The following TENM3 variants were observed in gnomAD, a reference collection of about 807,000 sequenced individuals.
TENM3 encodes teneurin-3.
A neutral mutation model predicts 255.1 loss-of-function variants in TENM3; 63 were observed. That is an observed-to-expected ratio of 0.25 (90% CI 0.20 to 0.30). The LOEUF (loss-of-function observed/expected upper bound fraction) is 0.30. TENM3 is among the 10% of genes least tolerant of loss of function. The pLI, the probability that TENM3 is intolerant of heterozygous loss-of-function variation, is 1.00. For synonymous variants in TENM3, 1,306 were observed against 1,322.3 expected, an observed-to-expected ratio of 0.99 and a Z score of 0.27; for missense variants, 2,929 against 3,461.1, an observed-to-expected ratio of 0.85 and a Z score of 3.86.
At chr4:182,487,921 CAG>C (rs1163798562) in intron 3 of TENM3, among the ~76,000 whole-genome samples, 2 of 152,052 alleles carry the variant, frequency 1.3e-5, no homozygotes, top group Non-Finnish European at 2.9e-5. Context: ...CAAATTATAA[CAG>C]GAATTCTAGA....
chr4:182,305,438 G>C (rs1300858695), intron 1 of TENM3, among the ~76,000 whole-genome samples: 1 of 152,146 alleles, frequency 6.6e-6, no homozygotes, highest in African/African-American at 2.4e-5. Flanking sequence ...CGTGAATACT[G>C]TGCTGGAGGA....
At chr4:181,580,278 G>A in the TENM3 span, among the ~76,000 whole-genome samples, 18 of 152,138 alleles carry the variant, frequency 1.2e-4, no homozygotes, top group East Asian at 5.8e-4. Context: ...GATTACAAAC[G>A]TGAGCCACCG....
chr4:181,914,195 C>T, the TENM3 span, among the ~76,000 whole-genome samples: 4 of 152,346 alleles, frequency 2.6e-5, no homozygotes, highest in African/African-American at 7.2e-5. Context: ...AGGTGACGCT[C>T]AACTGACACC....
the TENM3 span, among the ~76,000 whole-genome samples, chr4:181,871,390 C>T: frequency 6.6e-6 from 1 of 151,806 alleles, no homozygotes; most frequent in African/African-American, 2.4e-5. Flanking sequence ...TATGGTAACT[C>T]TCTCCTTTTA....
At chr4:182,211,782 T>A (rs180998577) in intron 1 of TENM3, among the ~76,000 whole-genome samples, 1 of 152,200 alleles carries the variant, frequency 6.6e-6, no homozygotes, top group Admixed American at 6.5e-5. Context: ...TTAAATACAT[T>A]TGATTGTTTT....
chr4:182,034,517 C>T, the TENM3 span, among the ~76,000 whole-genome samples: 1 of 152,072 alleles, frequency 6.6e-6, no homozygotes, highest in Admixed American at 6.5e-5. Flanking sequence ...TTTGTAGTGG[C>T]TGGTAAGTTT....
chr4:182,100,315 T>C, the TENM3 span, among the ~76,000 whole-genome samples: 4,910 of 151,460 alleles, frequency 0.032, 263 homozygotes, highest in African/African-American at 0.11. Context: ...GAATCAGAAA[T>C]AGTTGGCCAA....
chr4:182,112,494 T>C, the TENM3 span, among the ~76,000 whole-genome samples: 23 of 152,330 alleles, frequency 1.5e-4, no homozygotes, highest in African/African-American at 4.6e-4. Flanking sequence ...TAAGATTTCA[T>C]TGGGTCTTCA....
At chr4:182,159,537 C>T (rs1579541426) in intron 1 of TENM3, among the ~76,000 whole-genome samples, 2 of 152,010 alleles carry the variant, frequency 1.3e-5, no homozygotes, top group East Asian at 3.9e-4. Context: ...GGAACAGGAG[C>T]TCTCATTTAG....
the TENM3 span, among the ~76,000 whole-genome samples, chr4:182,052,214 TAG>T: frequency 6.6e-6 from 1 of 152,126 alleles, no homozygotes; most frequent in Non-Finnish European, 1.5e-5. Flanking sequence ...AGATCCTGCA[TAG>T]AGAGGCCTTT....
intron 1 of TENM3, among the ~76,000 whole-genome samples, chr4:182,222,602 G>GT (rs1755909977): frequency 6.6e-6 from 1 of 152,156 alleles, no homozygotes; most frequent in African/African-American, 2.4e-5. Flanking sequence ...TTGCAAAGTG[G>GT]TTTTCTTTCC....
intron 3 of TENM3, among the ~76,000 whole-genome samples, chr4:182,548,452 G>C (rs1266277333): frequency 7.2e-5 from 11 of 152,082 alleles, no homozygotes; most frequent in Non-Finnish European, 1.3e-4. Context: ...TAAAGCTTTG[G>C]ACTGAAAAGC....
At chr4:182,745,641 T>G (rs766840352) in intron 19 of TENM3, among the ~76,000 whole-genome samples, 1 of 152,088 alleles carries the variant, frequency 6.6e-6, no homozygotes, top group South Asian at 2.1e-4. Context: ...ATCTAAGAAA[T>G]GGGTAGCAGA....
At chr4:181,552,001 T>A in the TENM3 span, among the ~76,000 whole-genome samples, 1 of 151,786 alleles carries the variant, frequency 6.6e-6, no homozygotes, top group Non-Finnish European at 1.5e-5. Flanking sequence ...AGGCCGTAAG[T>A]TATTTGCAGA....
At chr4:182,038,373 T>A in the TENM3 span, among the ~76,000 whole-genome samples, 1 of 152,234 alleles carries the variant, frequency 6.6e-6, no homozygotes. Flanking sequence ...TGTATTAGTA[T>A]TCTTTTAAGT....
the TENM3 span, among the ~76,000 whole-genome samples, chr4:182,114,873 G>A: frequency 2.0e-5 from 3 of 152,056 alleles, no homozygotes; most frequent in Non-Finnish European, 4.4e-5. Context: ...TTAAAATAGG[G>A]AATACATGAA....
chr4:181,695,343 C>G, the TENM3 span, among the ~76,000 whole-genome samples: 1 of 152,248 alleles, frequency 6.6e-6, no homozygotes, highest in Middle Eastern at 3.4e-3. Flanking sequence ...GTAACAGAGC[C>G]AACAGAGGGG....
intron 22 of TENM3, among the ~76,000 whole-genome samples, chr4:182,767,311 C>T (rs539896526): frequency 3.3e-5 from 5 of 152,252 alleles, no homozygotes; most frequent in Non-Finnish European, 5.9e-5. Flanking sequence ...TGCACAAGTC[C>T]CTCCTCAGGA....
the TENM3 span, among the ~76,000 whole-genome samples, chr4:181,993,518 A>G: frequency 6.6e-6 from 1 of 152,184 alleles, no homozygotes; most frequent in Non-Finnish European, 1.5e-5. Context: ...GTATGGACAT[A>G]ATAAATTAGA....
Sources: gnomAD v4.1 joint callset for allele counts (sites outside exome capture counted in the v4.1 genomes callset) on GRCh38, gnomAD v4.1.1 for gene constraint, MANE v1.5 for transcripts, NCBI Gene and HGNC (gene_info 2026-07-23, HGNC 2026-07-21) for gene names.